Variants in RBMS3 observed in about 807,000 individuals in gnomAD.
The protein encoded by RBMS3 is RNA binding motif single stranded interacting protein 3.
Under a neutral mutation model 66.8 loss-of-function variants are expected in RBMS3, and 27 were observed. The ratio of observed to expected loss-of-function variants is 0.40; its 90% confidence interval spans 0.30 to 0.56. The LOEUF is 0.56. Ranked by LOEUF, RBMS3 falls within the 20% of genes least tolerant of loss-of-function variation. The pLI, the probability that RBMS3 is intolerant of heterozygous loss-of-function variation, is 0.40. For missense variants in RBMS3, 513 were observed against 549.5 expected, an observed-to-expected ratio of 0.93 and a Z score of 0.66; for synonymous variants, 188 against 183.0, an observed-to-expected ratio of 1.03 and a Z score of -0.22.
rs1403750937 is a variant in RBMS3, at chr3:29,813,320, A to C, written c.637+50331A>C. Among the ~76,000 whole-genome samples the C allele has an allele frequency of 5.3e-5, 8 of 152,234 alleles. No individual in the cohort carries two copies. The East Asian group carries it at 1.5e-3, about 29-fold the overall frequency. ...TTCATATAAAAATAGCATTTCCATA[A>C]GATTCTTGGCAAAATAGCTCCAAAA... On this transcript the variant is annotated intron_variant, in intron 6 of 14. Coordinates refer to ENST00000383767, the MANE Select transcript of RBMS3 (RefSeq NM_001003793.3).
intron 4 of RBMS3, among the ~76,000 whole-genome samples, chr3:29,624,608 G>C (rs1207562605): frequency 6.6e-6 from 1 of 152,040 alleles, no homozygotes; most frequent in African/African-American, 2.4e-5. Context: ...AGAGAAAAGA[G>C]CAATATAAGA....
intron 6 of RBMS3, among the ~76,000 whole-genome samples, chr3:29,819,602 C>G (rs900056604): frequency 1.5e-4 from 23 of 152,048 alleles, no homozygotes; most frequent in African/African-American, 5.6e-4. Context: ...ATTTATTTAT[C>G]TAATCTTTTA....
intron 10 of RBMS3, among the ~76,000 whole-genome samples, chr3:29,928,545 C>T (rs1160882256): frequency 2.0e-5 from 3 of 151,964 alleles, no homozygotes; most frequent in Non-Finnish European, 4.4e-5. Context: ...CATGGGGGCC[C>T]TGCAAAGCAA....
intron 6 of RBMS3, among the ~76,000 whole-genome samples, chr3:29,772,985 A>T (rs1359102892): frequency 6.6e-6 from 1 of 152,058 alleles, no homozygotes; most frequent in Non-Finnish European, 1.5e-5. Flanking sequence ...AAACTATCTG[A>T]CACCATAAGT....
intron 1 of RBMS3, among the ~76,000 whole-genome samples, chr3:29,379,164 G>A (rs2038640502): frequency 6.6e-6 from 1 of 152,172 alleles, no homozygotes; most frequent in African/African-American, 2.4e-5. Flanking sequence ...CTCACATACA[G>A]TGCAAGTCAC....
At chr3:29,864,490 G>T (rs2059295548) in intron 6 of RBMS3, among the ~76,000 whole-genome samples, 1 of 148,312 alleles carries the variant, frequency 6.7e-6, no homozygotes, top group South Asian at 2.1e-4. Context: ...ACATCTTTTT[G>T]TTGTTGTTGT....
At chr3:29,536,592 A>G (rs1261154907) in intron 3 of RBMS3, among the ~76,000 whole-genome samples, 1 of 152,198 alleles carries the variant, frequency 6.6e-6, no homozygotes, top group Non-Finnish European at 1.5e-5. Flanking sequence ...GCAAACTTGG[A>G]GACGTGTCAG....
chr3:29,380,842 T>C (rs148212647), intron 1 of RBMS3, among the ~76,000 whole-genome samples: 352 of 152,286 alleles, frequency 2.3e-3, no homozygotes, highest in Middle Eastern at 0.02. Flanking sequence ...ACTTTGAGTG[T>C]AGTGTGGAAT....
intron 1 of RBMS3, among the ~76,000 whole-genome samples, chr3:29,411,602 C>G (rs2040269067): frequency 6.6e-6 from 1 of 151,556 alleles, no homozygotes; most frequent in South Asian, 2.1e-4. Flanking sequence ...AGTGTCTTGC[C>G]AGAGAGAGAG....
At chr3:29,526,224 A>G (rs2045090210) in intron 3 of RBMS3, 1 of 152,154 alleles carries the variant, frequency 6.6e-6, no homozygotes. Flanking sequence ...AGCAAGGTAA[A>G]GTTTGAGAAG....
chr3:29,322,631 A>T (rs1446687522), intron 1 of RBMS3, among the ~76,000 whole-genome samples: 1 of 151,956 alleles, frequency 6.6e-6, no homozygotes, highest in East Asian at 1.9e-4. Context: ...TACGAAAAAA[A>T]AAAATGGCCA....
At chr3:29,891,219 T>C (rs1226494452) in intron 8 of RBMS3, among the ~76,000 whole-genome samples, 1 of 151,654 alleles carries the variant, frequency 6.6e-6, no homozygotes, top group Non-Finnish European at 1.5e-5. Context: ...TTAGCTTGAT[T>C]GTTAGCTAAG....
intron 6 of RBMS3, among the ~76,000 whole-genome samples, chr3:29,865,913 G>T (rs1203566470): frequency 1.3e-5 from 2 of 152,024 alleles, no homozygotes; most frequent in Non-Finnish European, 2.9e-5. Flanking sequence ...CTGCAGGTGT[G>T]TGACCCGTAG....
intron 3 of RBMS3, among the ~76,000 whole-genome samples, chr3:29,576,133 T>C (rs368788143): frequency 1.3e-5 from 2 of 152,136 alleles, no homozygotes; most frequent in East Asian, 1.9e-4. Context: ...GGCTTGTTTG[T>C]GCCCATCCTT....
chr3:29,812,947 CAT>C (rs1370127387), intron 6 of RBMS3, among the ~76,000 whole-genome samples: 1 of 152,010 alleles, frequency 6.6e-6, no homozygotes, highest in Non-Finnish European at 1.5e-5. Context: ...AACGCACACA[CAT>C]ATGCATATAT....
intron 4 of RBMS3, among the ~76,000 whole-genome samples, chr3:29,701,680 G>A (rs976080407): frequency 2.0e-5 from 3 of 152,144 alleles, no homozygotes; most frequent in Non-Finnish European, 2.9e-5. Flanking sequence ...GAGGCTGGCC[G>A]GCGCCACCGG....
chr3:29,405,874 G>A (rs551237194), intron 1 of RBMS3, among the ~76,000 whole-genome samples: 12 of 152,164 alleles, frequency 7.9e-5, no homozygotes, highest in Admixed American at 3.3e-4. Context: ...ACTTTTGAAT[G>A]TATTTGCTAT....
intron 3 of RBMS3, among the ~76,000 whole-genome samples, chr3:29,570,325 A>C (rs2046906246): frequency 1.3e-5 from 2 of 152,140 alleles, no homozygotes; most frequent in South Asian, 4.1e-4. Flanking sequence ...TTGTTTTATA[A>C]GACATCCAAT....
At chr3:29,587,070 C>T (rs2047542366) in intron 3 of RBMS3, 44 bp from the exon 4 acceptor site, 1 of 1,454,126 alleles carries the variant, frequency 6.9e-7, no homozygotes, top group African/African-American at 1.4e-5. Flanking sequence ...GATAGAGATT[C>T]AGCTTTTTGT....
Sources: gnomAD v4.1 joint callset for allele counts (sites outside exome capture counted in the v4.1 genomes callset) on GRCh38, gnomAD v4.1.1 for gene constraint, MANE v1.5 for transcripts, NCBI Gene and HGNC (gene_info 2026-07-23, HGNC 2026-07-21) for gene names.